TNIK: variants seen among roughly 807,000 people sequenced by gnomAD.
TNIK encodes the protein TRAF2 and NCK-interacting protein kinase.
Under a neutral mutation model 191.3 loss-of-function variants are expected in TNIK, and 49 were observed. The ratio of observed to expected loss-of-function variants is 0.26; its 90% CI spans 0.20 to 0.32. TNIK has a LOEUF of 0.32. Ranked by LOEUF, TNIK falls within the 10% of genes least tolerant of loss-of-function variation. The pLI, the probability that TNIK is intolerant of heterozygous loss-of-function variation, is 1.00. For missense variants in TNIK, 1,155 were observed against 1,702.3 expected, an observed-to-expected ratio of 0.68 and a Z score of 5.66; for synonymous variants, 594 against 600.9, an observed-to-expected ratio of 0.99 and a Z score of 0.17.
chr3:171,144,431 T>G (rs1428912007), intron 12 of TNIK, among the ~76,000 whole-genome samples: 1 of 152,168 alleles, frequency 6.6e-6, no homozygotes, highest in Non-Finnish European at 1.5e-5. Context: ...ATATTTTAAA[T>G]TTCTTATTTT....
intron 2 of TNIK, among the ~76,000 whole-genome samples, chr3:171,252,315 G>A (rs753453436): frequency 1.7e-4 from 26 of 152,032 alleles, no homozygotes; most frequent in African/African-American, 5.8e-4. Context: ...TAAGTGTTCC[G>A]AACACAAGAA....
intron 26 of TNIK, among the ~76,000 whole-genome samples, chr3:171,083,270 T>G (rs1383705608): frequency 6.6e-6 from 1 of 152,268 alleles, no homozygotes; most frequent in African/African-American, 2.4e-5. Flanking sequence ...TGTCCATATA[T>G]TAATCCTTTC....
chr3:171,328,412 G>T (rs1190990071), intron 2 of TNIK, among the ~76,000 whole-genome samples: 1 of 152,190 alleles, frequency 6.6e-6, no homozygotes, highest in Non-Finnish European at 1.5e-5. Flanking sequence ...CCTGCGTGGG[G>T]CTACCATGAA....
At chr3:171,380,431 G>C (rs559055830) in intron 1 of TNIK, among the ~76,000 whole-genome samples, 2 of 152,202 alleles carry the variant, frequency 1.3e-5, no homozygotes, top group African/African-American at 2.4e-5. Context: ...TCAAGGTTCT[G>C]TTTTGGAAGA....
chr3:171,095,221 C>T (rs1259709312), intron 22 of TNIK, among the ~76,000 whole-genome samples: 3 of 152,226 alleles, frequency 2.0e-5, no homozygotes, highest in Non-Finnish European at 4.4e-5. Context: ...TCCTGTAGCA[C>T]AGAGCACAGT....
intron 12 of TNIK, among the ~76,000 whole-genome samples, chr3:171,142,117 T>G (rs1164140572): frequency 6.6e-6 from 1 of 152,210 alleles, no homozygotes; most frequent in Non-Finnish European, 1.5e-5. Context: ...CTGCGTCTCT[T>G]AAGACTCAGT....
intron 2 of TNIK, among the ~76,000 whole-genome samples, chr3:171,248,655 G>C (rs1249625086): frequency 6.6e-6 from 1 of 152,178 alleles, no homozygotes; most frequent in Non-Finnish European, 1.5e-5. Context: ...AGATTGGGAT[G>C]CTGTACATTT....
At chr3:171,070,148 C>T (rs936472607) in intron 29 of TNIK, among the ~76,000 whole-genome samples, 2 of 152,168 alleles carry the variant, frequency 1.3e-5, no homozygotes, top group African/African-American at 4.8e-5. Flanking sequence ...TAGGAGTTAT[C>T]CCTTGTTATT....
intron 2 of TNIK, among the ~76,000 whole-genome samples, chr3:171,259,767 C>T (rs1747361263): frequency 6.6e-6 from 1 of 152,180 alleles, no homozygotes; most frequent in Non-Finnish European, 1.5e-5. Context: ...AATCATAATT[C>T]TGAACTCTGT....
At chr3:171,115,115 G>A (rs942790977) in intron 18 of TNIK, among the ~76,000 whole-genome samples, 2 of 152,168 alleles carry the variant, frequency 1.3e-5, no homozygotes, top group African/African-American at 4.8e-5. Context: ...AAGGTTTCTT[G>A]GAGTTGCTCT....
chr3:171,145,485 C>G (rs890206973), intron 12 of TNIK, among the ~76,000 whole-genome samples: 1 of 152,110 alleles, frequency 6.6e-6, no homozygotes, highest in Non-Finnish European at 1.5e-5. Context: ...TTTTGATCCT[C>G]CCTATGAATG....
At chr3:171,067,275 T>TG (rs1370340319) in intron 30 of TNIK, among the ~76,000 whole-genome samples, 3 of 151,478 alleles carry the variant, frequency 2.0e-5, no homozygotes, top group Admixed American at 6.6e-5. Flanking sequence ...AAATAATCTG[T>TG]GAAAAAAAAA....
At chr3:171,139,370 G>T in intron 14 of TNIK, 100 bp downstream of exon 14, 2 of 903,038 alleles carry the variant, frequency 2.2e-6, no homozygotes, top group Non-Finnish European at 3.4e-6. Flanking sequence ...AAGGACACAC[G>T]CACGCGCGCA....
intron 1 of TNIK, among the ~76,000 whole-genome samples, chr3:171,439,135 G>C (rs1175737904): frequency 6.6e-6 from 1 of 152,080 alleles, no homozygotes; most frequent in African/African-American, 2.4e-5. Context: ...ACAAGGTCAG[G>C]AGATCGAAAC....
chr3:171,334,875 CTTTTT>C (rs58249552), intron 2 of TNIK, among the ~76,000 whole-genome samples: 1 of 146,022 alleles, frequency 6.8e-6, no homozygotes, highest in Non-Finnish European at 1.5e-5. Context: ...TTATAAGTTT[CTTTTT>C]TTTTTTTTTA....
intron 2 of TNIK, among the ~76,000 whole-genome samples, chr3:171,296,402 A>G (rs1448045086): frequency 1.3e-5 from 2 of 152,182 alleles, no homozygotes; most frequent in African/African-American, 4.8e-5. Context: ...TGGAACCCCT[A>G]GATTCAAAGA....
At chr3:171,092,882 A>G (rs1007606109) in intron 23 of TNIK, among the ~76,000 whole-genome samples, 1 of 152,246 alleles carries the variant, frequency 6.6e-6, no homozygotes, top group Non-Finnish European at 1.5e-5. Flanking sequence ...ACATATGTTT[A>G]TGTTTCAGAG....
intron 4 of TNIK, among the ~76,000 whole-genome samples, chr3:171,204,211 A>G (rs1250933558): frequency 6.6e-6 from 1 of 151,998 alleles, no homozygotes; most frequent in Non-Finnish European, 1.5e-5. Context: ...CCCTTTTTTG[A>G]TTTCCGGATC....
chr3:171,320,839 G>A (rs1362206867), intron 2 of TNIK, among the ~76,000 whole-genome samples: 2 of 152,184 alleles, frequency 1.3e-5, no homozygotes, highest in Non-Finnish European at 2.9e-5. Flanking sequence ...CTGTGTCTGA[G>A]AGAAAACACA....
Sources: gnomAD v4.1 joint callset for allele counts (sites outside exome capture counted in the v4.1 genomes callset) on GRCh38, gnomAD v4.1.1 for gene constraint, MANE v1.5 for transcripts, NCBI Gene and HGNC (gene_info 2026-07-23, HGNC 2026-07-21) for gene names.